Variants in DLGAP1 observed in about 807,000 individuals in gnomAD.
DLGAP1 encodes the protein DLG associated protein 1, also known as disks large-associated protein 1.
Under a neutral mutation model 90.8 loss-of-function variants are expected in DLGAP1, and 11 were observed. That is an observed-to-expected ratio of 0.12 (90% confidence interval 0.08 to 0.20). The LOEUF (loss-of-function observed/expected upper bound fraction) is 0.20. Among genes scored for constraint, DLGAP1 ranks in the 10% least tolerant of loss-of-function variants. DLGAP1 has a pLI of 1.00. For synonymous variants in DLGAP1, 558 were observed against 540.7 expected (o/e 1.03, Z -0.44); for missense variants, 1,050 against 1,333.8 (o/e 0.79, Z 3.31).
intron 7 of DLGAP1, among the ~76,000 whole-genome samples, chr18:3,706,195 AC>A (rs1208675048): frequency 6.6e-6 from 1 of 151,310 alleles, no homozygotes; most frequent in Non-Finnish European, 1.5e-5. Flanking sequence ...ACAAGTTTTC[AC>A]CATATTGGCC....
chr18:4,142,872 G>C (rs1253563212), intron 2 of DLGAP1, among the ~76,000 whole-genome samples: 1 of 152,146 alleles, frequency 6.6e-6, no homozygotes, highest in African/African-American at 2.4e-5. Flanking sequence ...GAATCACAGA[G>C]GTGCTGCCTT....
intron 7 of DLGAP1, among the ~76,000 whole-genome samples, chr18:3,611,751 G>C (rs2057642908): frequency 6.6e-6 from 1 of 152,118 alleles, no homozygotes; most frequent in South Asian, 2.1e-4. Context: ...AGACAAAAAG[G>C]AAACCCCAAA....
At chr18:3,797,338 A>AG (rs1568150711) in intron 5 of DLGAP1, among the ~76,000 whole-genome samples, 1 of 151,846 alleles carries the variant, frequency 6.6e-6, no homozygotes, top group East Asian at 1.9e-4. Context: ...AAAAAAAAAA[A>AG]AAGAAGAAGA....
chr18:3,950,701 G>A (rs1279765940), intron 3 of DLGAP1, among the ~76,000 whole-genome samples: 1 of 152,168 alleles, frequency 6.6e-6, no homozygotes, highest in African/African-American at 2.4e-5. Context: ...TGCTGGGAGT[G>A]CTCCACAGCT....
chr18:4,138,662 T>G (rs535860998), intron 2 of DLGAP1, among the ~76,000 whole-genome samples: 79 of 152,174 alleles, frequency 5.2e-4, no homozygotes, highest in African/African-American at 1.8e-3. Flanking sequence ...AGAATGAATT[T>G]AGACATATTT....
intron 10 of DLGAP1, 73 bp from the exon 11 acceptor site, chr18:3,508,734 A>G (rs1299995625): frequency 2.4e-6 from 3 of 1,257,294 alleles, no homozygotes. Context: ...TAAAGCAAAG[A>G]GGAAGTTATG....
chr18:3,718,697 G>C (rs561087258), intron 7 of DLGAP1, among the ~76,000 whole-genome samples: 7 of 151,922 alleles, frequency 4.6e-5, no homozygotes, highest in Non-Finnish European at 1.5e-5. Context: ...GGGTCGAGGC[G>C]GGTGGATCGC....
intron 3 of DLGAP1, among the ~76,000 whole-genome samples, chr18:4,002,362 C>T (rs1187010746): frequency 2.0e-5 from 1 of 49,494 alleles, no homozygotes; most frequent in Non-Finnish European, 5.5e-5. Context: ...GGCACAGGTC[C>T]ATTTACATGC....
intron 1 of DLGAP1, among the ~76,000 whole-genome samples, chr18:4,416,878 TTTTCTC>T (rs916553243): frequency 4.6e-5 from 7 of 152,190 alleles, no homozygotes; most frequent in African/African-American, 1.7e-4. Flanking sequence ...ACTCTTTTAT[TTTTCTC>T]TTTCTTAAGT....
At chr18:3,940,083 C>T (rs2072735824) in intron 3 of DLGAP1, among the ~76,000 whole-genome samples, 1 of 152,170 alleles carries the variant, frequency 6.6e-6, no homozygotes, top group Non-Finnish European at 1.5e-5. Flanking sequence ...TGGCTTATTC[C>T]TTATTCTCTT....
intron 2 of DLGAP1, among the ~76,000 whole-genome samples, chr18:4,108,293 T>A (rs996837346): frequency 2.0e-5 from 3 of 152,176 alleles, no homozygotes; most frequent in African/African-American, 7.2e-5. Context: ...CCCCAGCTTA[T>A]CACCATTAGA....
intron 8 of DLGAP1, among the ~76,000 whole-genome samples, chr18:3,578,619 T>C (rs925893268): frequency 6.6e-6 from 1 of 151,752 alleles, no homozygotes; most frequent in African/African-American, 2.4e-5. Flanking sequence ...CCTCCCAAAG[T>C]GCTGAGATTA....
intron 3 of DLGAP1, among the ~76,000 whole-genome samples, chr18:3,891,475 G>A (rs2071456189): frequency 6.6e-6 from 1 of 152,278 alleles, no homozygotes; most frequent in African/African-American, 2.4e-5. Flanking sequence ...ATTAGGAATA[G>A]TATCATGGGT....
rs1179497753 is a variant in DLGAP1 at position 3,499,705 on chromosome 18, C to T, written c.2725-311G>A. Among the ~76,000 whole-genome samples the T allele has an allele frequency of 1.3e-5, 2 of 152,092 alleles. No individual in the cohort carries two copies. The highest frequency in any genetic ancestry group is 2.4e-5 in the African/African-American group (1 of 41,416). On this transcript the variant is annotated intron_variant, in intron 12 of 12. Transcript: ENST00000315677. This position sits in a 1 kb window ranked among gnomAD's most constrained non-coding sequence, Gnocchi z 6.4. Reference sequence around the variant, plus strand: ...CCTGCGGCTCCCAGCACATTGAGTGCGGTTCTCTCTGGAGACTCCAGACTC... The same window carrying T: ...CCTGCGGCTCCCAGCACATTGAGTGTGGTTCTCTCTGGAGACTCCAGACTC...
intron 1 of DLGAP1, among the ~76,000 whole-genome samples, chr18:4,156,605 C>T (rs1411838452): frequency 2.6e-5 from 4 of 152,084 alleles, no homozygotes; most frequent in African/African-American, 9.7e-5. Context: ...GATAATCATA[C>T]TCAGTAAGTC....
intron 10 of DLGAP1, among the ~76,000 whole-genome samples, chr18:3,532,000 G>C (rs778053827): frequency 1.3e-5 from 2 of 151,882 alleles, no homozygotes; most frequent in African/African-American, 4.8e-5. Context: ...GATTACAGGC[G>C]TGTGCCATTG....
At chr18:4,299,610 TCAG>T (rs1305637286) in intron 1 of DLGAP1, among the ~76,000 whole-genome samples, 1 of 152,138 alleles carries the variant, frequency 6.6e-6, no homozygotes, top group East Asian at 1.9e-4. Context: ...TAAAAATTAC[TCAG>T]CAAATATAAA....
At chr18:3,911,003 A>G (rs1158478900) in intron 3 of DLGAP1, among the ~76,000 whole-genome samples, 1 of 152,142 alleles carries the variant, frequency 6.6e-6, no homozygotes, top group Non-Finnish European at 1.5e-5. Flanking sequence ...GCTGGAGGAT[A>G]AGACATTTAA....
chr18:4,249,444 T>C (rs887237513), intron 1 of DLGAP1, among the ~76,000 whole-genome samples: 1 of 87,290 alleles, frequency 1.1e-5, no homozygotes, highest in Admixed American at 1.4e-4. Flanking sequence ...TTGAATGTTC[T>C]GGCAAAAAAA....
Sources: allele counts gnomAD v4.1 joint callset (sites outside exome capture counted in the v4.1 genomes callset), GRCh38; gene constraint gnomAD v4.1.1; non-coding constraint Gnocchi (gnomAD v3.1); transcripts MANE v1.5; gene names NCBI Gene and HGNC (gene_info 2026-07-23, HGNC 2026-07-21).